DENND5B: variants seen among roughly 807,000 people sequenced by gnomAD.
The protein encoded by DENND5B is DENN domain-containing protein 5B.
Under a neutral mutation model 140.6 loss-of-function variants are expected in DENND5B, and 34 were observed. The observed-to-expected ratio is 0.24, with a 90% CI of 0.18 to 0.32. The LOEUF is 0.32. DENND5B is among the 10% of genes least tolerant of loss of function. The pLI, the probability that DENND5B is intolerant of heterozygous loss-of-function variation, is 1.00. For missense variants in DENND5B, 1,142 were observed against 1,560.2 expected, an observed-to-expected ratio of 0.73 and a Z score of 4.52; for synonymous variants, 551 against 562.1, an observed-to-expected ratio of 0.98 and a Z score of 0.28.
chr12:31,391,449 T>C (rs1941138626), intron 19 of DENND5B, among the ~76,000 whole-genome samples: 2 of 152,366 alleles, frequency 1.3e-5, no homozygotes, highest in Non-Finnish European at 2.9e-5. Context: ...ATTTCTGACA[T>C]ACCATATGAA....
chr12:31,442,099 G>C (rs905054714), intron 7 of DENND5B, among the ~76,000 whole-genome samples: 2 of 152,140 alleles, frequency 1.3e-5, no homozygotes, highest in African/African-American at 4.8e-5. Flanking sequence ...GGAAGATAGA[G>C]CCTAAGAATA....
At chr12:31,435,277 T>G (rs1322848272) in intron 7 of DENND5B, among the ~76,000 whole-genome samples, 1 of 152,172 alleles carries the variant, frequency 6.6e-6, no homozygotes, top group East Asian at 1.9e-4. Flanking sequence ...CTTGCCTCCT[T>G]CTTCCTGCCC....
chr12:31,412,535 T>C (rs778093090), intron 13 of DENND5B, among the ~76,000 whole-genome samples: 2 of 152,224 alleles, frequency 1.3e-5, no homozygotes, highest in Non-Finnish European at 2.9e-5. Flanking sequence ...TTTATGCTCC[T>C]TTGAGAATCT....
At chr12:31,515,144 G>A (rs921665749) in intron 1 of DENND5B, among the ~76,000 whole-genome samples, 8 of 151,922 alleles carry the variant, frequency 5.3e-5, no homozygotes, top group African/African-American at 1.9e-4. Context: ...CAGAACGTAA[G>A]ACTTGCGATT....
At chr12:31,432,025 T>G in intron 8 of DENND5B, 1 of 982,038 alleles carries the variant, frequency 1.0e-6, no homozygotes, top group East Asian at 1.1e-4. Context: ...GTAAAGCACT[T>G]TCAAGCAAAG....
intron 1 of DENND5B, among the ~76,000 whole-genome samples, chr12:31,503,637 GC>G (rs1161174826): frequency 1.3e-5 from 2 of 152,152 alleles, no homozygotes; most frequent in African/African-American, 2.4e-5. Context: ...TAACAATTTT[GC>G]CCAGCTCCTA....
intron 1 of DENND5B, among the ~76,000 whole-genome samples, chr12:31,562,214 C>T (rs1259408): frequency 0.078 from 11,859 of 152,150 alleles, 1,056 homozygotes; most frequent in African/African-American, 0.22. Context: ...ACCTCATTAC[C>T]ACCCAAAAGT....
At chr12:31,436,547 T>A (rs1943765122) in intron 7 of DENND5B, among the ~76,000 whole-genome samples, 1 of 151,872 alleles carries the variant, frequency 6.6e-6, no homozygotes, top group Admixed American at 6.6e-5. Flanking sequence ...TTTTCTTTTT[T>A]TTTGGAGATA....
chr12:31,480,218 G>T lies in DENND5B; in HGVS notation c.275C>A (p.Thr92Lys), dbSNP rs199806993. The change falls in exon 3 of 21, where the codon ACG (threonine) becomes AAG (lysine). Residue 92 changes from threonine to lysine, a missense_variant. Transcript: ENST00000389082. ...GTGAAACTGGGGGTCTTTATTGTCC[G>T]TTTGTGTCCTGAAAGATAGCCCTTT... ...MPKGLSFRTQ[T>K]DNKDPQFHSF... 4 of 1,594,958 alleles carry T rather than the reference G, an allele frequency of 2.5e-6. No homozygotes were observed. The highest frequency in any genetic ancestry group is 3.4e-6 in the Non-Finnish European group (4 of 1,171,258).
chr12:31,401,588 A>G (rs1175214461), intron 15 of DENND5B, among the ~76,000 whole-genome samples: 1 of 152,126 alleles, frequency 6.6e-6, no homozygotes, highest in East Asian at 1.9e-4. Context: ...CTATTTCACC[A>G]AGTAAGACTG....
chr12:31,553,146 T>C (rs1180577232), intron 1 of DENND5B, among the ~76,000 whole-genome samples: 1 of 152,180 alleles, frequency 6.6e-6, no homozygotes, highest in Non-Finnish European at 1.5e-5. Flanking sequence ...TTCTTTTAAT[T>C]GTGATGTTAG....
intron 13 of DENND5B, among the ~76,000 whole-genome samples, chr12:31,412,183 A>T (rs912439151): frequency 8.6e-5 from 13 of 151,860 alleles, no homozygotes; most frequent in African/African-American, 3.1e-4. Context: ...CCTGACCTCA[A>T]GTGATCTGCC....
rs138653483 is a variant in DENND5B, at chr12:31,455,247, T to A, written c.1093-2771A>T. ...AATGCCTTCCTACTACCTTTTTCTA[T>A]CCCTCTCCTCCTCCTATGAAAAGGG... On this transcript the variant is annotated intron_variant, in intron 4 of 20. Transcript: ENST00000389082. 2.4e-3 allele frequency among the ~76,000 whole-genome samples: 362 copies of A among 152,286 alleles called. 2 individuals carry two copies. The highest frequency in any genetic ancestry group is 3.9e-3 in the Non-Finnish European group (262 of 68,028).
chr12:31,519,553 A>T (rs1782323148), intron 1 of DENND5B, among the ~76,000 whole-genome samples: 1 of 152,208 alleles, frequency 6.6e-6, no homozygotes, highest in African/African-American at 2.4e-5. Flanking sequence ...AATCTAATAC[A>T]TTGTTAGTAA....
At chr12:31,579,742 G>A (rs1009652251) in intron 1 of DENND5B, among the ~76,000 whole-genome samples, 6 of 117,310 alleles carry the variant, frequency 5.1e-5, no homozygotes, top group African/African-American at 1.3e-4. Context: ...GAGGGGAGGG[G>A]AGGGAAGGGA....
intron 3 of DENND5B, among the ~76,000 whole-genome samples, chr12:31,462,197 A>G (rs1184218245): frequency 2.0e-5 from 3 of 152,210 alleles, no homozygotes; most frequent in Non-Finnish European, 4.4e-5. Context: ...TTTTACAGCC[A>G]AGGCCCACTG....
At chr12:31,392,550 G>T in intron 18 of DENND5B, 64 bp downstream of exon 18, 1 of 1,524,276 alleles carries the variant, frequency 6.6e-7, no homozygotes, top group Non-Finnish European at 8.8e-7. Flanking sequence ...ATATTGCCTC[G>T]TGTATCACAT....
intron 1 of DENND5B, among the ~76,000 whole-genome samples, chr12:31,566,028 C>T (rs74383987): frequency 0.011 from 1,736 of 152,026 alleles, 19 homozygotes; most frequent in East Asian, 0.032. Context: ...ACCTGTAGTC[C>T]CAACTACTTG....
chr12:31,539,846 T>C (rs756176972), intron 1 of DENND5B, among the ~76,000 whole-genome samples: 2 of 151,708 alleles, frequency 1.3e-5, no homozygotes, highest in Non-Finnish European at 1.5e-5. Context: ...TTCACCACTG[T>C]TATTCAACAC....
Sources: gnomAD v4.1 joint callset for allele counts (sites outside exome capture counted in the v4.1 genomes callset) on GRCh38, gnomAD v4.1.1 for gene constraint, MANE v1.5 for transcripts, NCBI Gene and HGNC (gene_info 2026-07-23, HGNC 2026-07-21) for gene names.